The following NCAM2 variants were observed in gnomAD, a reference collection of about 807,000 sequenced individuals.
NCAM2 encodes the protein N-CAM-2.
In NCAM2, 30 loss-of-function variants were observed where a neutral mutation model predicts 98.1. The observed-to-expected ratio is 0.31, with a 90% confidence interval of 0.23 to 0.41. The LOEUF (loss-of-function observed/expected upper bound fraction) is 0.41, where lower values mean the gene tolerates loss of function less well. NCAM2 is among the 10% of genes least tolerant of loss of function. The pLI is 1.00. For synonymous variants in NCAM2, 368 were observed against 342.4 expected, an observed-to-expected ratio of 1.07 and a Z score of -0.83; for missense variants, 867 against 1,005.8, an observed-to-expected ratio of 0.86 and a Z score of 1.87.
intron 12 of NCAM2, among the ~76,000 whole-genome samples, chr21:21,453,382 C>A (rs1981630284): frequency 6.6e-6 from 1 of 151,622 alleles, no homozygotes; most frequent in Non-Finnish European, 1.5e-5. Context: ...GGCGTCCTGC[C>A]TGGAATGGCA....
At chr21:21,063,647 C>T (rs975926736) in intron 1 of NCAM2, among the ~76,000 whole-genome samples, 1 of 151,534 alleles carries the variant, frequency 6.6e-6, no homozygotes, top group Non-Finnish European at 1.5e-5. Context: ...GTAGAACTTT[C>T]GAAAGAAAAG....
chr21:21,128,125 G>C (rs1392767449), intron 1 of NCAM2, among the ~76,000 whole-genome samples: 1 of 152,076 alleles, frequency 6.6e-6, no homozygotes, highest in Admixed American at 6.6e-5. Context: ...TTTAAGGAAG[G>C]TGCAATCCAA....
At chr21:21,078,831 T>C (rs1185348555) in intron 1 of NCAM2, among the ~76,000 whole-genome samples, 1 of 152,152 alleles carries the variant, frequency 6.6e-6, no homozygotes, top group Non-Finnish European at 1.5e-5. Context: ...ATGATACATA[T>C]ATGCCATGGA....
intron 1 of NCAM2, among the ~76,000 whole-genome samples, chr21:21,029,990 A>T (rs1357305397): frequency 1.3e-5 from 2 of 152,126 alleles, no homozygotes; most frequent in African/African-American, 4.8e-5. Flanking sequence ...TTTCATGTAA[A>T]CTTGATTTAA....
chr21:21,480,000 A>C (rs1275260519), intron 15 of NCAM2, among the ~76,000 whole-genome samples: 1 of 152,088 alleles, frequency 6.6e-6, no homozygotes, highest in Non-Finnish European at 1.5e-5. Context: ...TCTGTGAAAA[A>C]TACAGCACTG....
chr21:21,530,224 T>TTA (rs1309403506), intron 16 of NCAM2, among the ~76,000 whole-genome samples: 1 of 70,968 alleles, frequency 1.4e-5, no homozygotes, highest in Non-Finnish European at 3.3e-5. Flanking sequence ...TTTAATTTAA[T>TTA]TATATATATT....
At chr21:21,342,302 A>T (rs1284251712) in intron 8 of NCAM2, among the ~76,000 whole-genome samples, 1 of 152,222 alleles carries the variant, frequency 6.6e-6, no homozygotes. Context: ...CAGAAGTTTG[A>T]GTAAGGCTTG....
intron 1 of NCAM2, among the ~76,000 whole-genome samples, chr21:21,245,125 T>G (rs926836966): frequency 2.0e-5 from 3 of 152,156 alleles, no homozygotes; most frequent in Admixed American, 2.0e-4. Flanking sequence ...GCCGTACCAT[T>G]CATCAACACT....
At chr21:21,476,075 G>A (rs1985128503) in intron 14 of NCAM2, among the ~76,000 whole-genome samples, 1 of 152,062 alleles carries the variant, frequency 6.6e-6, no homozygotes. Context: ...CACCAAAAAT[G>A]GAGAATACAT....
At chr21:21,242,818 C>A (rs954792487) in intron 1 of NCAM2, among the ~76,000 whole-genome samples, 2 of 152,084 alleles carry the variant, frequency 1.3e-5, no homozygotes, top group African/African-American at 2.4e-5. Context: ...TCATGTTATC[C>A]ATTTCTTTGT....
At chr21:21,365,397 C>T (rs1442800345) in intron 8 of NCAM2, among the ~76,000 whole-genome samples, 2 of 151,648 alleles carry the variant, frequency 1.3e-5, no homozygotes, top group African/African-American at 4.8e-5. Context: ...CAAAGCAAAC[C>T]TCAAAGGAAT....
intron 8 of NCAM2, among the ~76,000 whole-genome samples, chr21:21,363,748 A>G (rs2075712526): frequency 6.6e-6 from 1 of 152,072 alleles, no homozygotes; most frequent in African/African-American, 2.4e-5. Context: ...TACAAAATCC[A>G]TACTCTATCA....
chr21:21,379,335 T>C (rs1055664164), intron 9 of NCAM2, among the ~76,000 whole-genome samples: 3 of 152,056 alleles, frequency 2.0e-5, no homozygotes, highest in African/African-American at 7.2e-5. Flanking sequence ...TAGTTGTAGA[T>C]TTTTTAGGTG....
chr21:21,023,826 T>C (rs886606749), intron 1 of NCAM2, among the ~76,000 whole-genome samples: 1 of 152,138 alleles, frequency 6.6e-6, no homozygotes, highest in African/African-American at 2.4e-5. Flanking sequence ...TATTTAGATA[T>C]GTCATTCATA....
chr21:21,460,505 T>C (rs781530849), intron 12 of NCAM2, among the ~76,000 whole-genome samples: 7 of 151,932 alleles, frequency 4.6e-5, no homozygotes, highest in Admixed American at 6.6e-5. Context: ...AAAATTTGTT[T>C]TCAATGTTCA....
intron 5 of NCAM2, among the ~76,000 whole-genome samples, chr21:21,322,188 G>A (rs183158304): frequency 2.0e-5 from 3 of 152,216 alleles, no homozygotes; most frequent in East Asian, 1.9e-4. Flanking sequence ...ACTGTAGGCC[G>A]TAATCCTAAG....
chr21:21,316,024 A>T (rs1158187638), intron 5 of NCAM2, among the ~76,000 whole-genome samples: 2 of 152,158 alleles, frequency 1.3e-5, no homozygotes, highest in African/African-American at 2.4e-5. Flanking sequence ...AGTGATTTTC[A>T]GATGCTTACT....
intron 1 of NCAM2, among the ~76,000 whole-genome samples, chr21:21,207,854 A>C (rs1466251698): frequency 6.6e-6 from 1 of 152,196 alleles, no homozygotes; most frequent in Non-Finnish European, 1.5e-5. Flanking sequence ...TTGAATGTAA[A>C]CTGCATATTA....
intron 16 of NCAM2, among the ~76,000 whole-genome samples, chr21:21,532,272 CAGTGTT>C (rs1602576040): frequency 1.3e-5 from 2 of 151,830 alleles, no homozygotes; most frequent in East Asian, 1.9e-4. Flanking sequence ...AGCTAAAACT[CAGTGTT>C]AGTTCAAAAG....
Sources: allele counts gnomAD v4.1 joint callset (sites outside exome capture counted in the v4.1 genomes callset), GRCh38; gene constraint gnomAD v4.1.1; transcripts MANE v1.5; gene names NCBI Gene and HGNC (gene_info 2026-07-23, HGNC 2026-07-21).